The following NCKAP1 variants were observed in gnomAD, a reference collection of about 807,000 sequenced individuals.
NCKAP1 encodes nck-associated protein 1.
In NCKAP1, 21 loss-of-function variants were observed where a neutral mutation model predicts 151.2. The ratio of observed to expected loss-of-function variants is 0.14; its 90% CI spans 0.10 to 0.20. The LOEUF is 0.20. Ranked by LOEUF, NCKAP1 falls within the 10% of genes least tolerant of loss-of-function variation. The pLI is 1.00. For missense variants in NCKAP1, 933 were observed against 1,352.1 expected, an observed-to-expected ratio of 0.69 and a Z score of 4.86; for synonymous variants, 484 against 451.8, an observed-to-expected ratio of 1.07 and a Z score of -0.90.
intron 19 of NCKAP1, 75 bp from the exon 20 acceptor site, chr2:182,956,668 T>C (rs1356704636): frequency 6.3e-6 from 9 of 1,418,826 alleles, no homozygotes; most frequent in Admixed American, 2.3e-5. Context: ...TATAAATATA[T>C]CAACCTTATT....
chr2:182,955,367 G>GA (rs1008745898), intron 20 of NCKAP1, among the ~76,000 whole-genome samples: 3 of 151,398 alleles, frequency 2.0e-5, no homozygotes, highest in Admixed American at 2.0e-4. Flanking sequence ...AGGCTTTGAA[G>GA]AAAAAAATTG....
At position 182,910,789 on chromosome 2, in the gene NCKAP1, G is replaced by C. The variant is rs150679138; in HGVS notation, c.*14913C>G. On this transcript the variant is annotated 3_prime_UTR_variant, in exon 31 of 31. Coordinates refer to ENST00000361354, the MANE Select transcript of NCKAP1 (RefSeq NM_013436.5). The stretch of plus-strand genomic sequence containing the variant: ...ATTTCTTCACTCCTCATCTTGAGGG[G>C]TAAGTGGGCAAACATCAAGAACACT... The C allele has an allele frequency of 6.6e-6, 1 of 152,206 alleles. No homozygotes were observed. The highest frequency in any genetic ancestry group is 1.5e-5 in the Non-Finnish European group (1 of 68,050). 9.4% of individuals were successfully genotyped at this position (152,206 alleles called of 1,614,324 possible).
Position 183,012,015 on chromosome 2 carries a change from A to T in NCKAP1, c.220-8690T>A, listed in dbSNP as rs143164249. On this transcript the variant is annotated intron_variant, in intron 2 of 30. Coordinates refer to ENST00000361354, the MANE Select transcript of NCKAP1 (RefSeq NM_013436.5). Reference sequence around the variant, plus strand: ...GTATATACGTGTACAGGGAACTCCCAATTGTTTTTTCTTTTTGGTTTGGTT... The same window carrying T: ...GTATATACGTGTACAGGGAACTCCCTATTGTTTTTTCTTTTTGGTTTGGTT... 2.2e-3 allele frequency among the ~76,000 whole-genome samples: 331 copies of T among 152,248 alleles called. 2 individuals carry two copies. Among genetic ancestry groups the T allele is most frequent in the African/African-American group, 7.7e-3 (321 of 41,534 alleles).
intron 26 of NCKAP1, 144 bp from the exon 27 acceptor site, chr2:182,930,932 A>G (rs1194821913): frequency 1.5e-6 from 1 of 647,268 alleles, no homozygotes; most frequent in African/African-American, 1.8e-5. Context: ...AACTAAGTAT[A>G]CTGAACAACT....
intron 2 of NCKAP1, among the ~76,000 whole-genome samples, chr2:183,021,064 T>C (rs1434813987): frequency 6.6e-6 from 1 of 152,206 alleles, no homozygotes; most frequent in East Asian, 1.9e-4. Context: ...GTCATAACAT[T>C]CAACAACATT....
rs938325516 is a variant in NCKAP1 at position 182,913,453 on chromosome 2, G to C, written c.*12249C>G. On this transcript the variant is annotated 3_prime_UTR_variant, in exon 31 of 31. Coordinates refer to ENST00000361354, the MANE Select transcript of NCKAP1 (RefSeq NM_013436.5). Reference sequence around the variant, plus strand: ...GGTTAGTTACCACAAAAGTGAGTCTGTTATAAAAGTCAGTTTGGCTCTCTC... The same window carrying C: ...GGTTAGTTACCACAAAAGTGAGTCTCTTATAAAAGTCAGTTTGGCTCTCTC... 2 of 152,238 alleles carry C rather than the reference G, an allele frequency of 1.3e-5. No individual in the cohort carries two copies. Among genetic ancestry groups the C allele is most frequent in the African/African-American group, 4.8e-5 (2 of 41,424 alleles). 9.4% of individuals were successfully genotyped at this position (152,238 alleles called of 1,614,324 possible).
In NCKAP1 at chr2:182,928,780, T is replaced by C. The variant is rs1696700718; in HGVS notation, c.3070+3A>G. 3 of 1,563,926 alleles carry C rather than the reference T, an allele frequency of 1.9e-6. No homozygotes were observed. The highest frequency in any genetic ancestry group is 1.7e-6 in the Non-Finnish European group (2 of 1,147,892). On this transcript the variant is annotated splice_donor_region_variant and intron_variant, in intron 28 of 30. Coordinates refer to ENST00000361354, the MANE Select transcript of NCKAP1 (RefSeq NM_013436.5). ...CGCCAAAACAATTTTAAACCACTAT[T>C]ACCTTCTATAGCAGGGCTGTACTGA...
intron 24 of NCKAP1, among the ~76,000 whole-genome samples, chr2:182,941,252 C>G (rs1328474793): frequency 2.0e-5 from 3 of 151,606 alleles, no homozygotes; most frequent in East Asian, 1.9e-4. Flanking sequence ...AACATTAGAT[C>G]AAGTATATCT....
At chr2:182,975,106 A>G (rs1697778567) in intron 15 of NCKAP1, among the ~76,000 whole-genome samples, 1 of 152,212 alleles carries the variant, frequency 6.6e-6, no homozygotes, top group Non-Finnish European at 1.5e-5. Flanking sequence ...TATGACAATG[A>G]CTTTCAAAGT....
chr2:182,969,588 T>C (rs1477118619), intron 15 of NCKAP1, among the ~76,000 whole-genome samples: 1 of 151,380 alleles, frequency 6.6e-6, no homozygotes, highest in Non-Finnish European at 1.5e-5. Flanking sequence ...ATAAAACATT[T>C]ATTGAAAGAA....
intron 11 of NCKAP1, 88 bp from the exon 12 acceptor site, chr2:182,983,015 G>T (rs528388345): frequency 1.5e-4 from 143 of 975,882 alleles, no homozygotes; most frequent in Admixed American, 8.9e-4. Context: ...TCATTGGCAA[G>T]AAGTGATAAT....
intron 18 of NCKAP1, among the ~76,000 whole-genome samples, chr2:182,958,524 A>G (rs1697371876): frequency 6.6e-6 from 1 of 152,180 alleles, no homozygotes; most frequent in Non-Finnish European, 1.5e-5. Flanking sequence ...CAGAGCTGCT[A>G]GAAATAGTTC....
rs1476633029 is a variant in NCKAP1 at position 182,952,819 on chromosome 2, T to C, written c.2477A>G (p.Asn826Ser). The C allele has an allele frequency of 2.5e-6, 4 of 1,610,792 alleles. No homozygotes were observed. The highest frequency in any genetic ancestry group is 3.4e-6 in the Non-Finnish European group (4 of 1,178,000). The change falls in exon 22 of 31, where the codon AAT (asparagine) becomes AGT (serine). Residue 826 changes from asparagine to serine, a missense_variant. Physicochemically the swap from Asn to Ser is conservative, Grantham distance 46. Transcript: ENST00000361354. Reference protein sequence around the residue: ...NLPTENELTFNAEEYSDISEM... With the variant: ...NLPTENELTFSAEEYSDISEM... ...TGATATGTCAGAATATTCCTCTGCA[T>C]TGAATGTTAATTCATTTTCTGTAGG...
At position 182,976,963 on chromosome 2, in the gene NCKAP1, GAAAA is replaced by G. The variant is rs144939357; in HGVS notation, c.1424-16_1424-13del. 3 of 1,174,076 alleles carry G rather than the reference GAAAA, an allele frequency of 2.6e-6. No homozygotes were observed. Among genetic ancestry groups the G allele is most frequent in the South Asian group, 1.7e-5 (1 of 57,970 alleles). 72.7% of individuals were successfully genotyped at this position (1,174,076 alleles called of 1,614,324 possible). ...TTCCCCATCTTCAACTGTAGTAATA[GAAAA>G]AAAAAAAAGATTACAAAGCAAATTA... On this transcript the variant is annotated splice_polypyrimidine_tract_variant and intron_variant, in intron 14 of 30. Transcript: ENST00000361354.
At chr2:182,951,063 C>G (rs944496057) in intron 23 of NCKAP1, among the ~76,000 whole-genome samples, 16 of 151,884 alleles carry the variant, frequency 1.1e-4, no homozygotes, top group African/African-American at 3.9e-4. Context: ...GAACTCCTAA[C>G]TTCAGGCAAT....
At chr2:182,967,587 T>C (rs959061118) in intron 15 of NCKAP1, among the ~76,000 whole-genome samples, 1 of 152,180 alleles carries the variant, frequency 6.6e-6, no homozygotes, top group African/African-American at 2.4e-5. Flanking sequence ...GTGTCTAATA[T>C]ATGAGTCATT....
chr2:182,927,721 G>A (rs934167338), intron 29 of NCKAP1, among the ~76,000 whole-genome samples: 3 of 151,918 alleles, frequency 2.0e-5, no homozygotes, highest in Non-Finnish European at 2.9e-5. Context: ...AGAGGGAATA[G>A]CTTCTCTCTT....
chr2:182,964,556 A>G, intron 17 of NCKAP1, 120 bp downstream of exon 17: 1 of 667,032 alleles, frequency 1.5e-6, no homozygotes. Flanking sequence ...GATTCTGCAT[A>G]GAGATGTATT....
At chr2:182,968,990 A>G (rs1442401717) in intron 15 of NCKAP1, among the ~76,000 whole-genome samples, 2 of 152,226 alleles carry the variant, frequency 1.3e-5, no homozygotes, top group Non-Finnish European at 2.9e-5. Context: ...TGATGTCAAT[A>G]TTCTGATGAC....
Sources: gnomAD v4.1 joint callset for allele counts (sites outside exome capture counted in the v4.1 genomes callset) on GRCh38, gnomAD v4.1.1 for gene constraint, MANE v1.5 for transcripts, NCBI Gene and HGNC (gene_info 2026-07-23, HGNC 2026-07-21) for gene names.